The following ARHGEF11 variants were observed in gnomAD, a reference collection of about 807,000 sequenced individuals.
ARHGEF11 encodes the protein Rho guanine nucleotide exchange factor 11, also known as Rho guanine exchange factor (GEF) 11.
In ARHGEF11, 55 loss-of-function variants were observed where a neutral mutation model predicts 193.7. The observed-to-expected ratio is 0.28, with a 90% confidence interval of 0.23 to 0.36. ARHGEF11 has a LOEUF of 0.36. Ranked by LOEUF, ARHGEF11 falls within the 10% of genes least tolerant of loss-of-function variation. The pLI is 1.00. For synonymous variants in ARHGEF11, 693 were observed against 768.0 expected, an observed-to-expected ratio of 0.90 and a Z score of 1.62; for missense variants, 1,723 against 2,005.6, an observed-to-expected ratio of 0.86 and a Z score of 2.69.
At chr1:157,007,899 G>GTTTTTTTTTTTTTT (rs11290114) in intron 1 of ARHGEF11, among the ~76,000 whole-genome samples, 2 of 128,946 alleles carry the variant, frequency 1.6e-5, no homozygotes, top group Non-Finnish European at 1.6e-5. Context: ...GAAGGCAAAG[G>GTTTTTTTTTTTTTT]TTTTTTTTTT....
chr1:156,987,037 T>C (rs1000488769), intron 1 of ARHGEF11, among the ~76,000 whole-genome samples: 14 of 152,208 alleles, frequency 9.2e-5, no homozygotes, highest in Admixed American at 1.3e-4. Context: ...AACCAAAGGA[T>C]TCACTGCTTC....
chr1:156,939,532 C>G lies in ARHGEF11; in HGVS notation c.4096+16G>C. ...AGGGTGCTTGTCTCCCCACTGGACA[C>G]TCCCATTTATTTTACCTTTTCTCAC... On this transcript the variant is annotated intron_variant, in intron 37 of 40. Coordinates refer to ENST00000368194, the MANE Select transcript of ARHGEF11 (RefSeq NM_198236.3). 6.2e-7 allele frequency: 1 copy of G among 1,607,724 alleles called. No individual in the cohort carries two copies. Among genetic ancestry groups the G allele is most frequent in the Non-Finnish European group, 8.5e-7 (1 of 1,179,984 alleles).
At chr1:156,941,706 G>C (rs1057304664) in intron 34 of ARHGEF11, among the ~76,000 whole-genome samples, 158 bp downstream of exon 34, 1 of 152,222 alleles carries the variant, frequency 6.6e-6, no homozygotes, top group African/African-American at 2.4e-5. Context: ...GGGACAGGGG[G>C]CATGTTCCTC....
chr1:157,035,692 A>G (rs889201086), intron 1 of ARHGEF11, among the ~76,000 whole-genome samples: 1 of 151,378 alleles, frequency 6.6e-6, no homozygotes, highest in African/African-American at 2.4e-5. Flanking sequence ...TATTCTCTAC[A>G]TTAGTCAACT....
intron 11 of ARHGEF11, among the ~76,000 whole-genome samples, chr1:156,967,688 C>G (rs1661882495): frequency 6.6e-6 from 1 of 152,116 alleles, no homozygotes. Flanking sequence ...ACTGCCTAAA[C>G]CTATTTCCTA....
chr1:157,010,675 TG>T (rs1200118297), intron 1 of ARHGEF11, among the ~76,000 whole-genome samples: 1 of 152,218 alleles, frequency 6.6e-6, no homozygotes. Context: ...CCCAAAGTGC[TG>T]GGATTATAGG....
At chr1:156,993,819 C>A (rs1666104361) in intron 1 of ARHGEF11, among the ~76,000 whole-genome samples, 1 of 152,200 alleles carries the variant, frequency 6.6e-6, no homozygotes, top group Non-Finnish European at 1.5e-5. Flanking sequence ...TTGCAGACAA[C>A]CGCTGCTGAT....
At chr1:157,013,262 C>CA in intron 1 of ARHGEF11, among the ~76,000 whole-genome samples, 1 of 119,954 alleles carries the variant, frequency 8.3e-6, no homozygotes, top group Non-Finnish European at 1.8e-5. Context: ...CCCACTATCA[C>CA]TCACACACAC....
Position 156,938,481 on chromosome 1 carries a change from G to C in ARHGEF11, c.4129C>G (p.Leu1377Val). 6.2e-7 allele frequency: 1 copy of C among 1,613,762 alleles called. No homozygotes were observed. The highest frequency in any genetic ancestry group is 1.1e-5 in the South Asian group (1 of 90,974). The change falls in exon 38 of 41, where the codon CTA becomes GTA. Residue 1377 changes from leucine to valine, a missense_variant. Leu to Val is a conservative substitution (Grantham distance 32). Transcript: ENST00000368194. ...EVAGSKVVPA[L>V]PESGQSEPGP... Reference sequence around the variant, plus strand: ...GGCTCTGACTGGCCACTCTCTGGTAGTGCAGGGACAACCTTGCTGCCTGCC... The same window carrying C: ...GGCTCTGACTGGCCACTCTCTGGTACTGCAGGGACAACCTTGCTGCCTGCC...
intron 9 of ARHGEF11, among the ~76,000 whole-genome samples, 164 bp downstream of exon 9, chr1:156,969,834 C>T (rs958076139): frequency 2.0e-5 from 3 of 152,202 alleles, no homozygotes; most frequent in Non-Finnish European, 4.4e-5. Flanking sequence ...TAAGTTGTAT[C>T]CAGCTTCCCT....
At chr1:157,023,692 G>A (rs1670273199) in intron 1 of ARHGEF11, among the ~76,000 whole-genome samples, 1 of 152,064 alleles carries the variant, frequency 6.6e-6, no homozygotes, top group African/African-American at 2.4e-5. Flanking sequence ...TTTGAAACAG[G>A]GAGGGGGAGG....
chr1:156,982,729 C>T (rs1455841749), intron 3 of ARHGEF11, among the ~76,000 whole-genome samples: 1 of 152,134 alleles, frequency 6.6e-6, no homozygotes, highest in Non-Finnish European at 1.5e-5. Flanking sequence ...ATTTTCTGTA[C>T]CAGATAGACC....
intron 18 of ARHGEF11, among the ~76,000 whole-genome samples, chr1:156,956,910 A>C (rs1660037336): frequency 6.6e-6 from 1 of 152,218 alleles, no homozygotes; most frequent in African/African-American, 2.4e-5. Context: ...TGCCTGGTCA[A>C]GCCATAGGCA....
chr1:156,948,161 C>G lies in ARHGEF11; in HGVS notation c.2153+20G>C. ...GACACAGAGACACCAAACAGAGGCACCACCGTGCCCATCACTTACCTGCGG... is the reference window on the plus strand; with the variant it reads ...GACACAGAGACACCAAACAGAGGCAGCACCGTGCCCATCACTTACCTGCGG... On this transcript the variant is annotated intron_variant, in intron 24 of 40. Transcript: ENST00000368194. The surrounding 1 kb of genome is among the most constrained non-coding windows in gnomAD (Gnocchi z 4.2). 1 of 1,551,900 alleles carries G rather than the reference C, an allele frequency of 6.4e-7. No homozygotes were observed. The highest frequency in any genetic ancestry group is 1.4e-5 in the African/African-American group (1 of 73,532).
chr1:157,030,203 T>G (rs1671126454), intron 1 of ARHGEF11, among the ~76,000 whole-genome samples: 1 of 152,234 alleles, frequency 6.6e-6, no homozygotes, highest in Non-Finnish European at 1.5e-5. Flanking sequence ...AATAAAACTT[T>G]ACCGAGCATC....
chr1:156,969,312 A>G lies in ARHGEF11; in HGVS notation c.795T>C (p.Ser265=). 4 of 1,607,708 alleles carry G rather than the reference A, an allele frequency of 2.5e-6. No homozygotes were observed. Among genetic ancestry groups the G allele is most frequent in the Non-Finnish European group, 2.5e-6 (3 of 1,177,156 alleles). The change falls in exon 10 of 41, where the codon TCT becomes TCC. Residue 265 remains serine, a synonymous_variant. Transcript: ENST00000368194. The part of the protein sequence containing the change: ...DSQEGDSGLD[S]GTERFPSLSE... Reference sequence around the variant, plus strand: ...TGAGGGAAGGAAAGCGTTCTGTCCCAGAGTCCAAGCCACTGTCCCCCTCCT... The same window carrying G: ...TGAGGGAAGGAAAGCGTTCTGTCCCGGAGTCCAAGCCACTGTCCCCCTCCT...
chr1:157,006,657 C>T (rs1350951938), intron 1 of ARHGEF11, among the ~76,000 whole-genome samples: 1 of 152,180 alleles, frequency 6.6e-6, no homozygotes, highest in Admixed American at 6.5e-5. Flanking sequence ...CATGGGAAGT[C>T]AGGCAGATCT....
chr1:156,992,896 T>C (rs562488622), intron 1 of ARHGEF11, among the ~76,000 whole-genome samples: 3 of 152,286 alleles, frequency 2.0e-5, no homozygotes, highest in Admixed American at 2.0e-4. Flanking sequence ...CTTCTGGAGT[T>C]TAAAGAAACA....
intron 11 of ARHGEF11, among the ~76,000 whole-genome samples, chr1:156,965,578 C>G (rs1267698736): frequency 6.6e-6 from 1 of 152,162 alleles, no homozygotes; most frequent in Non-Finnish European, 1.5e-5. Flanking sequence ...GATCCTTTTC[C>G]CCACCTTTCC....
Sources: allele counts gnomAD v4.1 joint callset (sites outside exome capture counted in the v4.1 genomes callset), GRCh38; gene constraint gnomAD v4.1.1; non-coding constraint Gnocchi (gnomAD v3.1); transcripts MANE v1.5; gene names NCBI Gene and HGNC (gene_info 2026-07-23, HGNC 2026-07-21).